Variants in WDR36 observed in about 807,000 individuals in gnomAD.
WDR36 encodes WD repeat-containing protein 36.
Under a neutral mutation model 112.7 loss-of-function variants are expected in WDR36, and 63 were observed. That is an observed-to-expected ratio of 0.56 (90% CI 0.46 to 0.69). The LOEUF (loss-of-function observed/expected upper bound fraction) is 0.69. Among genes scored for constraint, WDR36 ranks in the 30% least tolerant of loss-of-function variants. The pLI is 0.00. For missense variants in WDR36, 1,226 were observed against 1,070.3 expected, an observed-to-expected ratio of 1.15 and a Z score of -2.03; for synonymous variants, 410 against 362.2, an observed-to-expected ratio of 1.13 and a Z score of -1.50.
At position 111,127,381 on chromosome 5, in the gene WDR36, A is replaced by G. The variant is rs1358294568; in HGVS notation, c.*498A>G. The G allele has an allele frequency of 5.0e-6, 1 of 199,926 alleles. No homozygotes were observed. The highest frequency in any genetic ancestry group is 6.0e-5 in the Admixed American group (1 of 16,614). The allele number at this position is 199,926 out of a possible 1,614,324, so 12.4% of individuals were successfully genotyped here. On this transcript the variant is annotated 3_prime_UTR_variant, in exon 23 of 23. Coordinates refer to ENST00000513710, the MANE Select transcript of WDR36 (RefSeq NM_139281.3). Reference sequence around the variant, plus strand: ...GAAGTATTGCTGAATTAAATTGAAAATGTCAGATAAAACTGATACATGATG... The same window carrying G: ...GAAGTATTGCTGAATTAAATTGAAAGTGTCAGATAAAACTGATACATGATG...
rs148063062 is a variant in WDR36, at chr5:111,103,884, C to T, written c.696C>T (p.Asp232=). The change falls in exon 7 of 23, where the codon GAC becomes GAT. Residue 232 remains aspartate (D), a synonymous_variant. Coordinates refer to ENST00000513710, the MANE Select transcript of WDR36 (RefSeq NM_139281.3). The part of the protein sequence containing the change: ...FNETLMKFRQ[D]WGPITSISFR... ...AAACATTAATGAAGTTTCGTCAAGACTGGGGACCCATTACTTCAATTTCAT... is the reference window on the plus strand; with the variant it reads ...AAACATTAATGAAGTTTCGTCAAGATTGGGGACCCATTACTTCAATTTCAT... 1.9e-5 allele frequency: 30 copies of T among 1,611,168 alleles called. No individual in the cohort carries two copies. In the African/African-American group the frequency reaches 3.9e-4, roughly 21 times the overall value.
At chr5:111,104,077 T>G in intron 7 of WDR36, 100 bp from the exon 8 acceptor site, 1 of 1,405,078 alleles carries the variant, frequency 7.1e-7, no homozygotes, top group African/African-American at 1.5e-5. Flanking sequence ...GTATATAGTT[T>G]TTTTCTAACT....
intron 6 of WDR36, among the ~76,000 whole-genome samples, chr5:111,102,709 G>A (rs1321227673): frequency 6.6e-6 from 1 of 151,660 alleles, no homozygotes; most frequent in Non-Finnish European, 1.5e-5. Flanking sequence ...CTGGAAATGA[G>A]TGTTCAGCAA....
At chr5:111,096,402 G>A (rs1178552891) in intron 2 of WDR36, among the ~76,000 whole-genome samples, 1 of 152,150 alleles carries the variant, frequency 6.6e-6, no homozygotes, top group Non-Finnish European at 1.5e-5. Flanking sequence ...TGAACTTGAT[G>A]TTCCAGAAGA....
intron 13 of WDR36, 90 bp downstream of exon 13, chr5:111,110,393 C>G: frequency 1.9e-6 from 2 of 1,064,536 alleles, no homozygotes; most frequent in Non-Finnish European, 2.9e-6. Context: ...AAGTGCTGGG[C>G]ATTTTGCTAA....
At chr5:111,111,501 T>G in intron 15 of WDR36, 1 of 464,970 alleles carries the variant, frequency 2.2e-6, no homozygotes, top group South Asian at 2.1e-5. Context: ...ATCTTTTTTT[T>G]CATTAACTCT....
intron 5 of WDR36, 95 bp from the exon 6 acceptor site, chr5:111,102,250 A>G (rs1211063691): frequency 2.7e-5 from 24 of 898,934 alleles, no homozygotes; most frequent in Non-Finnish European, 4.0e-5. Context: ...CTTAATAAAT[A>G]TCACCTATTA....
At chr5:111,115,687 G>C (rs556607628) in intron 16 of WDR36, among the ~76,000 whole-genome samples, 1 of 152,236 alleles carries the variant, frequency 6.6e-6, no homozygotes, top group African/African-American at 2.4e-5. Context: ...GGAAAGTGAA[G>C]CTATCTATGA....
chr5:111,104,232 T>G lies in WDR36; in HGVS notation c.786T>G (p.Asp262Glu). 2 of 1,611,904 alleles carry G rather than the reference T, an allele frequency of 1.2e-6. No homozygotes were observed. The highest frequency in any genetic ancestry group is 8.5e-7 in the Non-Finnish European group (1 of 1,178,526). Reference sequence around the variant, plus strand: ...CATGTGGCCATATTGGACTCTGGGATCTAGAAGACAAAAAATTAATCAACC... The same window carrying G: ...CATGTGGCCATATTGGACTCTGGGAGCTAGAAGACAAAAAATTAATCAACC... ...GSPCGHIGLW[D>E]LEDKKLINQM... is the part of the protein sequence containing the mutation. Residue 262 changes from aspartate to glutamate, a missense_variant, in exon 8 of 23, where the codon GAT (aspartate) becomes GAG (glutamate). Coordinates refer to ENST00000513710, the MANE Select transcript of WDR36 (RefSeq NM_139281.3).
At chr5:111,117,848 G>T (rs1201145317) in intron 16 of WDR36, among the ~76,000 whole-genome samples, 3 of 152,114 alleles carry the variant, frequency 2.0e-5, no homozygotes, top group African/African-American at 7.2e-5. Context: ...AGTATACTCT[G>T]CTTAAAGCTA....
At chr5:111,116,821 A>G (rs1753466017) in intron 16 of WDR36, among the ~76,000 whole-genome samples, 1 of 152,208 alleles carries the variant, frequency 6.6e-6, no homozygotes, top group Non-Finnish European at 1.5e-5. Flanking sequence ...TGAAGTTGAC[A>G]AGATAATTAT....
chr5:111,093,296 T>C (rs1386478254), intron 1 of WDR36, among the ~76,000 whole-genome samples: 4 of 152,354 alleles, frequency 2.6e-5, no homozygotes, highest in South Asian at 2.1e-4. Flanking sequence ...CTTGTTTCTT[T>C]TGTCTTCTCC....
rs568593076 is a variant in WDR36, at chr5:111,129,736, C to T, written c.*2853C>T. ...ATTGATTAATTTTCATGACTTATTT[C>T]AGGATATAAAGCAAATTATTTTCTA... On this transcript the variant is annotated 3_prime_UTR_variant, in exon 23 of 23. Transcript: ENST00000513710. 17 of 199,004 alleles carry T rather than the reference C, an allele frequency of 8.5e-5. No homozygotes were observed. The highest frequency in any genetic ancestry group is 1.6e-4 in the Non-Finnish European group (15 of 96,492). The allele number at this position is 199,004 out of a possible 1,614,324, so 12.3% of individuals were successfully genotyped here.
intron 4 of WDR36, among the ~76,000 whole-genome samples, chr5:111,099,825 C>T (rs1251831462): frequency 6.6e-6 from 1 of 151,968 alleles, no homozygotes; most frequent in Non-Finnish European, 1.5e-5. Context: ...TGGGATTGTA[C>T]AGTAGTGTGC....
chr5:111,120,704 C>A, intron 18 of WDR36, 111 bp downstream of exon 18: 1 of 934,770 alleles, frequency 1.1e-6, no homozygotes, highest in South Asian at 1.4e-5. Context: ...TGTTTTTTAA[C>A]TGATATAAAA....
In WDR36 at chr5:111,124,101, G is replaced by A. The variant is rs2112591781; in HGVS notation, c.2269-7G>A. The stretch of plus-strand genomic sequence containing the variant: ...ATTTGAATAATGTGTATTTGTTTTT[G>A]TTTAAGTCTAAAGTGGTAAATCTTG... On this transcript the variant is annotated splice_region_variant and splice_polypyrimidine_tract_variant and intron_variant, in intron 20 of 22. Coordinates refer to ENST00000513710, the MANE Select transcript of WDR36 (RefSeq NM_139281.3). 1 of 1,612,520 alleles carries A rather than the reference G, an allele frequency of 6.2e-7. No homozygotes were observed. Among genetic ancestry groups the A allele is most frequent in the Non-Finnish European group, 8.5e-7 (1 of 1,179,218 alleles).
At position 111,092,479 on chromosome 5, in the gene WDR36, G is replaced by T. The variant is rs778072785; in HGVS notation, c.23G>T (p.Arg8Leu). MERASER[R>L]TASALFAGFR... ...GCAATGGAACGGGCCTCAGAAAGGC[G>T]CACGGCCAGCGCGCTTTTTGCGGGG... is the stretch of plus-strand genomic sequence containing the variant. The change falls in exon 1 of 23, where the codon CGC becomes CTC. Residue 8 changes from arginine (R) to leucine (L), a missense_variant. Arg to Leu is a moderately radical substitution (Grantham distance 102). Coordinates refer to ENST00000513710, the MANE Select transcript of WDR36 (RefSeq NM_139281.3). The T allele has an allele frequency of 6.2e-7, 1 of 1,614,232 alleles. No individual in the cohort carries two copies. The highest frequency in any genetic ancestry group is 1.1e-5 in the South Asian group (1 of 91,088).
intron 8 of WDR36, 145 bp from the exon 9 acceptor site, chr5:111,104,552 A>G (rs1157899932): frequency 1.4e-6 from 2 of 1,395,052 alleles, no homozygotes; most frequent in African/African-American, 2.8e-5. Context: ...TTTCTCCCCC[A>G]ATACCCACTC....
chr5:111,114,328 G>A (rs1346155051), intron 16 of WDR36, among the ~76,000 whole-genome samples: 1 of 152,080 alleles, frequency 6.6e-6, no homozygotes, highest in African/African-American at 2.4e-5. Context: ...TGAGAAGGAA[G>A]GTGGTACTTT....
Sources: allele counts gnomAD v4.1 joint callset (sites outside exome capture counted in the v4.1 genomes callset), GRCh38; gene constraint gnomAD v4.1.1; transcripts MANE v1.5; gene names NCBI Gene and HGNC (gene_info 2026-07-23, HGNC 2026-07-21).